SMYD4: variants seen among roughly 807,000 people sequenced by gnomAD.
SMYD4 encodes the protein protein-lysine N-methyltransferase SMYD4.
Under a neutral mutation model 72.8 loss-of-function variants are expected in SMYD4, and 68 were observed. That is an observed-to-expected ratio of 0.93 (90% confidence interval 0.77 to 1.14). The LOEUF (loss-of-function observed/expected upper bound fraction) is 1.14. Among genes scored for constraint, SMYD4 ranks in the 50% most tolerant of loss-of-function variants. The pLI, the probability that SMYD4 is intolerant of heterozygous loss-of-function variation, is 0.00. For synonymous variants in SMYD4, 407 were observed against 388.6 expected, an observed-to-expected ratio of 1.05 and a Z score of -0.56; for missense variants, 984 against 1,003.7, an observed-to-expected ratio of 0.98 and a Z score of 0.27.
At chr17:1,808,401 A>G (rs1910152501) in intron 3 of SMYD4, among the ~76,000 whole-genome samples, 1 of 152,244 alleles carries the variant, frequency 6.6e-6, no homozygotes. Flanking sequence ...CCAATTTTGT[A>G]AAAGAAAAAC....
At chr17:1,808,931 G>A (rs986335284) in intron 3 of SMYD4, among the ~76,000 whole-genome samples, 5 of 152,168 alleles carry the variant, frequency 3.3e-5, no homozygotes, top group African/African-American at 1.2e-4. Context: ...AGCTGTAGAA[G>A]CTGCTGTTGT....
chr17:1,828,138 C>T, intron 1 of SMYD4, 132 bp from the exon 2 acceptor site: 1 of 766,522 alleles, frequency 1.3e-6, no homozygotes, highest in Non-Finnish European at 2.0e-6. Context: ...ATCACGAGGT[C>T]AGGAGATGGA....
At chr17:1,799,199 C>T (rs1441379408) in intron 5 of SMYD4, among the ~76,000 whole-genome samples, 5 of 149,734 alleles carry the variant, frequency 3.3e-5, no homozygotes, top group African/African-American at 9.8e-5. Flanking sequence ...GCAGAGCTTG[C>T]AGTGAGCTGA....
chr17:1,806,160 C>T (rs984404169), intron 3 of SMYD4, among the ~76,000 whole-genome samples: 25 of 152,048 alleles, frequency 1.6e-4, no homozygotes, highest in African/African-American at 5.8e-4. Flanking sequence ...CTCGTGACCT[C>T]GTGATCCGCT....
chr17:1,825,668 T>G (rs757663740), intron 2 of SMYD4, among the ~76,000 whole-genome samples: 1 of 152,146 alleles, frequency 6.6e-6, no homozygotes, highest in African/African-American at 2.4e-5. Context: ...CATGCCACCA[T>G]GCTTGGCTAA....
At chr17:1,793,822 G>A (rs1352766243) in intron 5 of SMYD4, among the ~76,000 whole-genome samples, 1 of 149,750 alleles carries the variant, frequency 6.7e-6, no homozygotes, top group African/African-American at 2.5e-5. Flanking sequence ...CTGCCTCTCA[G>A]TGCAGTGTTT....
chr17:1,815,212 C>T (rs36040175), intron 2 of SMYD4, among the ~76,000 whole-genome samples: 77,857 of 151,390 alleles, frequency 0.51, 20,768 homozygotes, highest in Non-Finnish European at 0.59. Flanking sequence ...TACAGGTGCC[C>T]GCCACCACAC....
At chr17:1,797,296 TAAGAA>T (rs1484525694) in intron 5 of SMYD4, among the ~76,000 whole-genome samples, 2 of 152,198 alleles carry the variant, frequency 1.3e-5, no homozygotes, top group Admixed American at 6.5e-5. Context: ...TTGAAAAAAT[TAAGAA>T]AAGTATAATG....
In SMYD4 at chr17:1,800,644, T is replaced by C; in HGVS notation, c.750A>G (p.Thr250=). 6.2e-7 allele frequency: 1 copy of C among 1,614,204 alleles called. No homozygotes were observed. The highest frequency in any genetic ancestry group is 8.5e-7 in the Non-Finnish European group (1 of 1,180,036). ...DPLKGRCLVA[T]KDILPGELLV... ...GGAGCTCTCCTGGGAGAATATCTTT[T>C]GTGGCAACGAGACAGCGACCTTTTA... The change falls in exon 5 of 11, where the codon ACA becomes ACG. Residue 250 remains threonine, a synonymous_variant. Transcript: ENST00000305513.
chr17:1,794,081 GTATATATATA>G (rs1226883815), intron 5 of SMYD4, among the ~76,000 whole-genome samples: 1 of 17,120 alleles, frequency 5.8e-5, no homozygotes, highest in African/African-American at 2.5e-4. Flanking sequence ...ATATATATGT[GTATATATATA>G]TATATATATA....
chr17:1,802,384 C>T (rs1909814921), intron 4 of SMYD4, among the ~76,000 whole-genome samples: 1 of 152,078 alleles, frequency 6.6e-6, no homozygotes, highest in African/African-American at 2.4e-5. Context: ...GTCCTAGCTA[C>T]TCATGAGACT....
chr17:1,815,792 C>T (rs892113694), intron 2 of SMYD4, among the ~76,000 whole-genome samples: 1 of 151,054 alleles, frequency 6.6e-6, no homozygotes, highest in South Asian at 2.1e-4. Context: ...CTCCGCCTCC[C>T]GGGTTCAAGC....
At chr17:1,783,323 C>T (rs1182027164) in intron 9 of SMYD4, 37 bp downstream of exon 9, 7 of 1,611,144 alleles carry the variant, frequency 4.3e-6, no homozygotes, top group Non-Finnish European at 5.9e-6. Context: ...CCACAGCAGA[C>T]TGTTCCCGAC....
At chr17:1,789,697 G>A (rs58518694) in intron 5 of SMYD4, among the ~76,000 whole-genome samples, 141,037 of 148,242 alleles carry the variant, frequency 0.95, 67,384 homozygotes, top group Non-Finnish European at 0.99. Flanking sequence ...ACTGGGAGGT[G>A]GAGGTTGCAG....
At chr17:1,794,095 A>ATGTG (rs1909246946) in intron 5 of SMYD4, among the ~76,000 whole-genome samples, 1 of 18,516 alleles carries the variant, frequency 5.4e-5, no homozygotes, top group African/African-American at 1.9e-4. Context: ...ATATATATAT[A>ATGTG]TATATATATA....
At chr17:1,786,216 T>C (rs904718556) in intron 7 of SMYD4, among the ~76,000 whole-genome samples, 4 of 152,138 alleles carry the variant, frequency 2.6e-5, no homozygotes, top group African/African-American at 9.7e-5. Flanking sequence ...TTATCCTCCT[T>C]GGCAGGAAAT....
chr17:1,794,059 A>ATATATATATG (rs1909231263), intron 5 of SMYD4, among the ~76,000 whole-genome samples: 1 of 68,528 alleles, frequency 1.5e-5, no homozygotes, highest in African/African-American at 4.9e-5. Flanking sequence ...ATATGTGTGT[A>ATATATATATG]TATATATGTG....
Position 1,812,011 on chromosome 17 carries a change from T to C in SMYD4, c.239A>G (p.Gln80Arg), listed in dbSNP as rs1328538186. The change falls in exon 3 of 11, where the codon CAG becomes CGG. Residue 80 changes from glutamine (Q) to arginine (R), a missense_variant. Coordinates refer to ENST00000305513, the MANE Select transcript of SMYD4 (RefSeq NM_052928.3). ...FYREEGNKKF[Q>R]EKDYTGAAVL... Reference sequence around the variant, plus strand: ...TGCAGCTCCTGTGTAATCTTTCTCCTGAAATTTTTTGTTTCCTTCTTCTCT... The same window carrying C: ...TGCAGCTCCTGTGTAATCTTTCTCCCGAAATTTTTTGTTTCCTTCTTCTCT... 1 of 1,614,084 alleles carries C rather than the reference T, an allele frequency of 6.2e-7. No individual in the cohort carries two copies. The highest frequency in any genetic ancestry group is 8.5e-7 in the Non-Finnish European group (1 of 1,180,044).
At chr17:1,813,984 T>C (rs1910459555) in intron 2 of SMYD4, among the ~76,000 whole-genome samples, 1 of 152,104 alleles carries the variant, frequency 6.6e-6, no homozygotes, top group Admixed American at 6.6e-5. Context: ...AAAAATTATC[T>C]TAAGTAACTC....
Sources: gnomAD v4.1 joint callset for allele counts (sites outside exome capture counted in the v4.1 genomes callset) on GRCh38, gnomAD v4.1.1 for gene constraint, MANE v1.5 for transcripts, NCBI Gene and HGNC (gene_info 2026-07-23, HGNC 2026-07-21) for gene names.